The following OCA2 variants were observed in gnomAD, a reference collection of about 807,000 sequenced individuals.
OCA2 encodes P protein.
A neutral mutation model predicts 100.2 loss-of-function variants in OCA2; 77 were observed. The ratio of observed to expected loss-of-function variants is 0.77; its 90% CI spans 0.64 to 0.93. The LOEUF (loss-of-function observed/expected upper bound fraction) is 0.93, where lower values mean the gene tolerates loss of function less well. Among genes scored for constraint, OCA2 ranks in the 40% least tolerant of loss-of-function variants. The pLI is 0.00. For missense variants in OCA2, 1,062 were observed against 1,089.1 expected (o/e 0.98, Z 0.35); for synonymous variants, 432 against 439.2 (o/e 0.98, Z 0.21).
chr15:27,895,558 CAA>C, intron 19 of OCA2: 1 of 164,882 alleles, frequency 6.1e-6, no homozygotes, highest in Non-Finnish European at 1.3e-5. Flanking sequence ...TATGTTTTAG[CAA>C]AGAGACTGGT....
chr15:27,787,997 A>G (rs569861176), intron 23 of OCA2, among the ~76,000 whole-genome samples: 52 of 152,120 alleles, frequency 3.4e-4, no homozygotes, highest in African/African-American at 1.2e-3. Context: ...GTTATTTAGA[A>G]GTGAGCTGTC....
At chr15:28,098,860 C>T (rs776907086) in intron 1 of OCA2, among the ~76,000 whole-genome samples, 9 of 152,260 alleles carry the variant, frequency 5.9e-5, no homozygotes, top group Non-Finnish European at 8.8e-5. Context: ...GACCACGGCT[C>T]ATGGCTAGGA....
chr15:27,974,497 C>T (rs192936790), intron 14 of OCA2, among the ~76,000 whole-genome samples: 1 of 152,264 alleles, frequency 6.6e-6, no homozygotes, highest in East Asian at 1.9e-4. Flanking sequence ...CCGGGCATGG[C>T]GGCTCATGCC....
chr15:27,896,950 G>A (rs988467197), intron 19 of OCA2, among the ~76,000 whole-genome samples: 1 of 152,094 alleles, frequency 6.6e-6, no homozygotes, highest in South Asian at 2.1e-4. Flanking sequence ...CAGCACTCTG[G>A]GGGGCCGAGG....
chr15:27,722,702 T>C, the OCA2 span, among the ~76,000 whole-genome samples: 1 of 106,836 alleles, frequency 9.4e-6, no homozygotes, highest in African/African-American at 4.6e-5. Flanking sequence ...CTCTTTCTCT[T>C]CCTTCCTTTC....
At chr15:27,865,441 A>G (rs1451060476) in intron 21 of OCA2, among the ~76,000 whole-genome samples, 1 of 152,202 alleles carries the variant, frequency 6.6e-6, no homozygotes, top group East Asian at 1.9e-4. Context: ...GGAGGCAGGG[A>G]AGGCAGGCAG....
intron 19 of OCA2, among the ~76,000 whole-genome samples, chr15:27,908,350 C>G (rs2038257279): frequency 6.6e-6 from 1 of 152,054 alleles, no homozygotes; most frequent in South Asian, 2.1e-4. Flanking sequence ...GCTTAAAACA[C>G]TCAAGAAAGT....
At chr15:28,077,864 G>C (rs190270857) in intron 2 of OCA2, among the ~76,000 whole-genome samples, 1 of 152,278 alleles carries the variant, frequency 6.6e-6, no homozygotes, top group Non-Finnish European at 1.5e-5. Flanking sequence ...GGTGGATCAC[G>C]AGGTCAGGAG....
At chr15:27,903,503 G>T (rs2594903) in intron 19 of OCA2, among the ~76,000 whole-genome samples, 118,625 of 151,418 alleles carry the variant, frequency 0.78, 47,421 homozygotes, top group East Asian at 1. Context: ...TTGTTGTTTT[G>T]TTGAGATGGA....
At chr15:27,721,743 A>AG in the OCA2 span, among the ~76,000 whole-genome samples, 3 of 152,332 alleles carry the variant, frequency 2.0e-5, no homozygotes, top group African/African-American at 7.2e-5. Flanking sequence ...CAGATCTGTA[A>AG]GTGGAAATGA....
intron 23 of OCA2, among the ~76,000 whole-genome samples, chr15:27,830,231 C>A (rs982524481): frequency 1.3e-5 from 2 of 152,080 alleles, no homozygotes; most frequent in African/African-American, 4.8e-5. Flanking sequence ...TACTCAAAAC[C>A]CCACGAGGAT....
At chr15:27,871,391 A>G in intron 20 of OCA2, 133 bp from the exon 21 acceptor site, 2 of 723,128 alleles carry the variant, frequency 2.8e-6, no homozygotes, top group East Asian at 2.7e-5. Flanking sequence ...AGGCAGACAT[A>G]GGTGTGCAAG....
chr15:28,070,622 A>G (rs1489817927), intron 2 of OCA2, among the ~76,000 whole-genome samples: 1 of 148,204 alleles, frequency 6.7e-6, no homozygotes, highest in Admixed American at 6.6e-5. Flanking sequence ...CTGGGAAGTG[A>G]GGAGCCCCTC....
intron 19 of OCA2, among the ~76,000 whole-genome samples, chr15:27,925,070 C>T (rs1421504644): frequency 2.0e-5 from 3 of 152,040 alleles, no homozygotes; most frequent in South Asian, 2.1e-4. Context: ...ACTTAACAAC[C>T]GATCCTCAAG....
In OCA2 at chr15:27,955,185, C is replaced by T; in HGVS notation, c.1815G>A (p.Glu605=). The change falls in exon 17 of 24, where the codon GAG becomes GAA. Residue 605 remains glutamate (E), a synonymous_variant. Transcript: ENST00000354638. ...TTTTTTGGAGTTCTTGGATATTGGT[C>T]TCCCAATTTTTGTCCTCCTGTGAGA... ...RQISQEDKNW[E]TNIQELQKKH... 6.2e-7 allele frequency: 1 copy of T among 1,612,540 alleles called. No individual in the cohort carries two copies. The highest frequency in any genetic ancestry group is 1.1e-5 in the South Asian group (1 of 91,040).
At position 27,871,057 on chromosome 15, in the gene OCA2, G is replaced by T. The variant is rs371542294; in HGVS notation, c.2244+97C>A. ...TCTACACCTGTGAGTGCAGCAGAGG[G>T]GCAGGCTTCATCCTCTGCTGCCTTA... On this transcript the variant is annotated intron_variant, in intron 21 of 23. Coordinates refer to ENST00000354638, the MANE Select transcript of OCA2 (RefSeq NM_000275.3). The T allele has an allele frequency of 2.2e-4, 194 of 896,268 alleles. 1 individual carries two copies. The East Asian group carries it at 2.8e-3, about 13-fold the overall frequency. The allele number at this position is 896,268 out of a possible 1,614,324, so 55.5% of individuals were successfully genotyped here.
At chr15:27,828,723 G>T (rs971352336) in intron 23 of OCA2, among the ~76,000 whole-genome samples, 1 of 152,086 alleles carries the variant, frequency 6.6e-6, no homozygotes, top group African/African-American at 2.4e-5. Context: ...TACTTATCTG[G>T]GACAAACTCC....
chr15:27,736,769 A>G, the OCA2 span, among the ~76,000 whole-genome samples: 45,031 of 152,140 alleles, frequency 0.3, 7,511 homozygotes, highest in East Asian at 0.63. Flanking sequence ...ATTCACAGCC[A>G]ACATCATATT....
chr15:27,899,581 C>T (rs956861923), intron 19 of OCA2, among the ~76,000 whole-genome samples: 1 of 152,160 alleles, frequency 6.6e-6, no homozygotes, highest in Non-Finnish European at 1.5e-5. Flanking sequence ...ATTCCTTTTC[C>T]AGTCCTTGGT....
Sources: allele counts gnomAD v4.1 joint callset (sites outside exome capture counted in the v4.1 genomes callset), GRCh38; gene constraint gnomAD v4.1.1; transcripts MANE v1.5; gene names NCBI Gene and HGNC (gene_info 2026-07-23, HGNC 2026-07-21).